ST6GALNAC3: variants seen among roughly 807,000 people sequenced by gnomAD.
ST6GALNAC3 encodes the protein ST6 N-acetylgalactosaminide alpha-2,6-sialyltransferase 3.
A neutral mutation model predicts 32.7 loss-of-function variants in ST6GALNAC3; 25 were observed. That is an observed-to-expected ratio of 0.76 (90% CI 0.56 to 1.07). The LOEUF (loss-of-function observed/expected upper bound fraction) is 1.07, where lower values mean the gene tolerates loss of function less well. Ranked by LOEUF, ST6GALNAC3 falls within the 50% of genes least tolerant of loss-of-function variation. The pLI is 0.00. For missense variants in ST6GALNAC3, 355 were observed against 382.4 expected (o/e 0.93, Z 0.60); for synonymous variants, 129 against 133.1 (o/e 0.97, Z 0.21).
At chr1:76,626,193 G>T (rs982610100) in intron 3 of ST6GALNAC3, among the ~76,000 whole-genome samples, 7 of 151,852 alleles carry the variant, frequency 4.6e-5, no homozygotes. Flanking sequence ...CATCAGTAGG[G>T]AGCAAGTACT....
rs538407613 is a variant in ST6GALNAC3, at chr1:76,293,933, G to T, written c.19-19872G>T. 2.6e-5 allele frequency among the ~76,000 whole-genome samples: 4 copies of T among 152,192 alleles called. No homozygotes were observed. The South Asian group carries it at 8.3e-4, about 32-fold the overall frequency. On this transcript the variant is annotated intron_variant, in intron 1 of 4. Coordinates refer to ENST00000328299, the MANE Select transcript of ST6GALNAC3 (RefSeq NM_152996.4). ...CATAATTAAAGAGTGGAAGAAACAG[G>T]ATTCTTTACTGGTCAATGAAAACTT... is the stretch of plus-strand genomic sequence containing the variant.
chr1:76,579,145 G>A (rs915926274), intron 3 of ST6GALNAC3, among the ~76,000 whole-genome samples: 1 of 152,032 alleles, frequency 6.6e-6, no homozygotes, highest in African/African-American at 2.4e-5. Flanking sequence ...GAATTCATAT[G>A]TCCACTAATT....
At chr1:76,440,193 G>C (rs1002622994) in intron 3 of ST6GALNAC3, among the ~76,000 whole-genome samples, 1 of 152,222 alleles carries the variant, frequency 6.6e-6, no homozygotes, top group Non-Finnish European at 1.5e-5. Flanking sequence ...TATGAAGTGT[G>C]CTGAAGGAGT....
chr1:76,165,592 C>T (rs1335747185), intron 1 of ST6GALNAC3, among the ~76,000 whole-genome samples: 1 of 151,936 alleles, frequency 6.6e-6, no homozygotes, highest in Non-Finnish European at 1.5e-5. Context: ...TGAGGAGTCA[C>T]CAGTGTCTTC....
intron 3 of ST6GALNAC3, among the ~76,000 whole-genome samples, chr1:76,414,139 C>T (rs767952003): frequency 3.3e-5 from 5 of 152,006 alleles, no homozygotes; most frequent in Non-Finnish European, 7.4e-5. Context: ...TTTGGGAGAT[C>T]ATTTTCTTAC....
chr1:76,635,573 A>G (rs1162759783), downstream of ST6GALNAC3, among the ~76,000 whole-genome samples: 1 of 152,192 alleles, frequency 6.6e-6, no homozygotes, highest in Non-Finnish European at 1.5e-5. Flanking sequence ...CCCAGAGTCC[A>G]TACCTATCTG....
At chr1:76,116,855 G>A (rs907988808) in intron 1 of ST6GALNAC3, among the ~76,000 whole-genome samples, 6 of 152,168 alleles carry the variant, frequency 3.9e-5, no homozygotes, top group Admixed American at 3.9e-4. Flanking sequence ...CTTGAACCTG[G>A]GAAGTGGAGG....
At chr1:76,207,459 A>T (rs1023711496) in intron 1 of ST6GALNAC3, among the ~76,000 whole-genome samples, 1 of 152,236 alleles carries the variant, frequency 6.6e-6, no homozygotes, top group African/African-American at 2.4e-5. Flanking sequence ...TGGGTAGTTT[A>T]TCAAGACAAG....
At chr1:76,321,017 A>G (rs1020467076) in intron 2 of ST6GALNAC3, among the ~76,000 whole-genome samples, 22 of 151,902 alleles carry the variant, frequency 1.4e-4, no homozygotes, top group African/African-American at 5.1e-4. Context: ...AGGTAGGTGT[A>G]TAGTGTGCCT....
chr1:76,361,180 T>G (rs1425142503), intron 2 of ST6GALNAC3, among the ~76,000 whole-genome samples: 1 of 152,178 alleles, frequency 6.6e-6, no homozygotes, highest in African/African-American at 2.4e-5. Context: ...AGAAGTTTTT[T>G]CATCTTGCAG....
chr1:76,237,197 A>T (rs184724621), intron 1 of ST6GALNAC3, among the ~76,000 whole-genome samples: 1 of 152,196 alleles, frequency 6.6e-6, no homozygotes, highest in East Asian at 1.9e-4. Context: ...GCAGTGGCAC[A>T]ATCTTTGCTT....
intron 1 of ST6GALNAC3, among the ~76,000 whole-genome samples, chr1:76,088,677 C>G (rs1362775498): frequency 6.6e-6 from 1 of 152,080 alleles, no homozygotes; most frequent in Non-Finnish European, 1.5e-5. Context: ...TAAATAAGAT[C>G]ATGGCAGCCT....
At chr1:76,121,340 A>T (rs568557527) in intron 1 of ST6GALNAC3, among the ~76,000 whole-genome samples, 1 of 152,214 alleles carries the variant, frequency 6.6e-6, no homozygotes, top group South Asian at 2.1e-4. Flanking sequence ...CACCTGGGCT[A>T]TTTAAGCCAA....
intron 1 of ST6GALNAC3, among the ~76,000 whole-genome samples, chr1:76,203,384 A>G (rs905598197): frequency 1.3e-5 from 2 of 152,108 alleles, no homozygotes; most frequent in Admixed American, 6.6e-5. Flanking sequence ...TTAAATATAA[A>G]TCTCTGGGCA....
intron 3 of ST6GALNAC3, among the ~76,000 whole-genome samples, chr1:76,492,485 CG>C (rs1660561328): frequency 6.6e-6 from 1 of 152,026 alleles, no homozygotes; most frequent in Admixed American, 6.6e-5. Context: ...AAAAGCTTAA[CG>C]TAGTTTGCCC....
intron 1 of ST6GALNAC3, among the ~76,000 whole-genome samples, chr1:76,170,211 G>A (rs1032421309): frequency 2.6e-5 from 4 of 152,164 alleles, no homozygotes; most frequent in African/African-American, 4.8e-5. Flanking sequence ...AATCCACTGC[G>A]GTGAAGGGGC....
intron 3 of ST6GALNAC3, among the ~76,000 whole-genome samples, chr1:76,438,587 C>T (rs1224670822): frequency 6.6e-5 from 10 of 152,188 alleles, no homozygotes; most frequent in Non-Finnish European, 1.0e-4. Context: ...CCATTCTTCT[C>T]TTTTTATATC....
At chr1:76,374,390 G>C (rs904087780) in intron 2 of ST6GALNAC3, among the ~76,000 whole-genome samples, 4 of 152,216 alleles carry the variant, frequency 2.6e-5, no homozygotes, top group African/African-American at 9.6e-5. Context: ...GGTTAGGGAT[G>C]AGGCAGAGCT....
intron 1 of ST6GALNAC3, among the ~76,000 whole-genome samples, chr1:76,180,671 A>G (rs1339265340): frequency 6.6e-6 from 1 of 152,150 alleles, no homozygotes; most frequent in Admixed American, 6.5e-5. Context: ...TGCAGCAGAG[A>G]AGGAGAGAAG....
Sources: gnomAD v4.1 joint callset for allele counts (sites outside exome capture counted in the v4.1 genomes callset) on GRCh38, gnomAD v4.1.1 for gene constraint, MANE v1.5 for transcripts, NCBI Gene and HGNC (gene_info 2026-07-23, HGNC 2026-07-21) for gene names.